The following LPP variants were observed in gnomAD, a reference collection of about 807,000 sequenced individuals.
The protein encoded by LPP is LIM domain containing preferred translocation partner in lipoma.
In LPP, 38 loss-of-function variants were observed where a neutral mutation model predicts 60.4. The ratio of observed to expected loss-of-function variants is 0.63; its 90% CI spans 0.49 to 0.83. The LOEUF (loss-of-function observed/expected upper bound fraction) is 0.83. Among genes scored for constraint, LPP ranks in the 40% least tolerant of loss-of-function variants. LPP has a pLI of 0.00. For missense variants in LPP, 902 were observed against 783.6 expected (o/e 1.15, Z -1.80); for synonymous variants, 328 against 290.8 (o/e 1.13, Z -1.30).
At chr3:188,341,095 C>G (rs756398594) in intron 2 of LPP, among the ~76,000 whole-genome samples, 1 of 152,180 alleles carries the variant, frequency 6.6e-6, no homozygotes, top group Non-Finnish European at 1.5e-5. Flanking sequence ...GCTCGAAATC[C>G]TATGTACTTT....
chr3:188,531,756 C>T (rs376362526), intron 6 of LPP, among the ~76,000 whole-genome samples: 2 of 152,128 alleles, frequency 1.3e-5, no homozygotes, highest in African/African-American at 4.8e-5. Context: ...CATCTTTATC[C>T]TTTATCGTAT....
At chr3:188,229,919 C>G (rs1719232419) in intron 2 of LPP, among the ~76,000 whole-genome samples, 1 of 151,988 alleles carries the variant, frequency 6.6e-6, no homozygotes, top group African/African-American at 2.4e-5. Flanking sequence ...ATATTTACAC[C>G]TGGTTCATAG....
chr3:188,575,755 A>G (rs977245156), intron 6 of LPP, among the ~76,000 whole-genome samples: 1 of 152,176 alleles, frequency 6.6e-6, no homozygotes, highest in Non-Finnish European at 1.5e-5. Context: ...AAATTAAATT[A>G]GCGCTGCTGA....
intron 9 of LPP, among the ~76,000 whole-genome samples, chr3:188,863,405 G>A (rs1165306920): frequency 5.3e-5 from 8 of 152,054 alleles, no homozygotes; most frequent in Non-Finnish European, 1.2e-4. Context: ...AGGTAACTGG[G>A]GTACCAGTCC....
At chr3:188,323,276 C>T (rs1578103210) in intron 2 of LPP, among the ~76,000 whole-genome samples, 1 of 152,216 alleles carries the variant, frequency 6.6e-6, no homozygotes, top group Non-Finnish European at 1.5e-5. Context: ...ACCTGTGAAT[C>T]ACCTTGGGAA....
At chr3:188,240,319 A>G (rs187352873) in intron 2 of LPP, among the ~76,000 whole-genome samples, 3 of 151,626 alleles carry the variant, frequency 2.0e-5, no homozygotes, top group African/African-American at 4.9e-5. Flanking sequence ...TTGACTGCAT[A>G]AGAGTCAGGA....
At chr3:188,328,519 C>A (rs1449631798) in intron 2 of LPP, among the ~76,000 whole-genome samples, 1 of 152,116 alleles carries the variant, frequency 6.6e-6, no homozygotes. Flanking sequence ...GCTACAAATA[C>A]TGTTGTTTTC....
intron 7 of LPP, among the ~76,000 whole-genome samples, chr3:188,629,259 T>C (rs1361916812): frequency 6.6e-6 from 1 of 151,858 alleles, no homozygotes; most frequent in African/African-American, 2.4e-5. Context: ...GAGCTCCAAA[T>C]AGAAAGAGAG....
chr3:188,657,290 G>A (rs913707242), intron 7 of LPP, among the ~76,000 whole-genome samples: 51 of 39,862 alleles, frequency 1.3e-3, no homozygotes, highest in Middle Eastern at 0.029. Context: ...ATTTCCAAAA[G>A]CAGATAGTAT....
At chr3:188,176,225 A>G (rs1722997101) in intron 1 of LPP, among the ~76,000 whole-genome samples, 1 of 152,172 alleles carries the variant, frequency 6.6e-6, no homozygotes, top group East Asian at 1.9e-4. Context: ...CTGAATTTTC[A>G]TTTCTAAGAA....
At chr3:188,794,447 C>A (rs1348781394) in intron 9 of LPP, among the ~76,000 whole-genome samples, 1 of 152,098 alleles carries the variant, frequency 6.6e-6, no homozygotes, top group Non-Finnish European at 1.5e-5. Context: ...TCTGAAACTG[C>A]AATTTAAGTG....
intron 4 of LPP, among the ~76,000 whole-genome samples, chr3:188,439,697 G>A (rs146590427): frequency 2.4e-4 from 36 of 152,220 alleles, no homozygotes; most frequent in African/African-American, 7.9e-4. Context: ...ATATAACTCC[G>A]TATGTCTTAG....
At chr3:188,533,955 G>A (rs866562490) in intron 6 of LPP, among the ~76,000 whole-genome samples, 5 of 152,132 alleles carry the variant, frequency 3.3e-5, no homozygotes, top group Admixed American at 6.5e-5. Flanking sequence ...CATAATCAAC[G>A]TTAGCTTTAA....
chr3:188,809,655 A>G (rs1428240635), intron 9 of LPP, among the ~76,000 whole-genome samples: 1 of 151,772 alleles, frequency 6.6e-6, no homozygotes, highest in Non-Finnish European at 1.5e-5. Context: ...ATGATAGTTT[A>G]TTTTGCTGTG....
chr3:188,349,546 T>C (rs1765287520), intron 3 of LPP, among the ~76,000 whole-genome samples: 1 of 152,244 alleles, frequency 6.6e-6, no homozygotes, highest in African/African-American at 2.4e-5. Flanking sequence ...TACACAGCGC[T>C]GTCTCATCAA....
intron 9 of LPP, among the ~76,000 whole-genome samples, chr3:188,817,548 C>T (rs1427174044): frequency 1.3e-5 from 2 of 152,208 alleles, no homozygotes; most frequent in Admixed American, 6.5e-5. Flanking sequence ...ATCCTTCTTG[C>T]TCCTGGCAAT....
At chr3:188,338,148 T>A (rs1229087580) in intron 2 of LPP, among the ~76,000 whole-genome samples, 2 of 152,256 alleles carry the variant, frequency 1.3e-5, no homozygotes, top group Non-Finnish European at 2.9e-5. Flanking sequence ...TGATAGATGC[T>A]GACAGGTGTG....
At chr3:188,790,202 G>A (rs985560278) in intron 9 of LPP, among the ~76,000 whole-genome samples, 1 of 152,086 alleles carries the variant, frequency 6.6e-6, no homozygotes, top group African/African-American at 2.4e-5. Flanking sequence ...AGAAAAATAA[G>A]ACAAATCTAT....
chr3:188,566,566 C>T (rs1180272093), intron 6 of LPP, among the ~76,000 whole-genome samples: 1 of 151,844 alleles, frequency 6.6e-6, no homozygotes, highest in Non-Finnish European at 1.5e-5. Context: ...ATCCTCCTCC[C>T]AACTCTCCCT....
Sources: gnomAD v4.1 joint callset for allele counts (sites outside exome capture counted in the v4.1 genomes callset) on GRCh38, gnomAD v4.1.1 for gene constraint, MANE v1.5 for transcripts, NCBI Gene and HGNC (gene_info 2026-07-23, HGNC 2026-07-21) for gene names.